The following SGCZ variants were observed in gnomAD, a reference collection of about 807,000 sequenced individuals.
SGCZ encodes sarcoglycan zeta.
A neutral mutation model predicts 41.3 loss-of-function variants in SGCZ; 40 were observed. The ratio of observed to expected loss-of-function variants is 0.97; its 90% CI spans 0.75 to 1.26. SGCZ has a LOEUF of 1.26. Among genes scored for constraint, SGCZ ranks in the 50% most tolerant of loss-of-function variants. The pLI, the probability that SGCZ is intolerant of heterozygous loss-of-function variation, is 0.00. For missense variants in SGCZ, 552 were observed against 369.8 expected, an observed-to-expected ratio of 1.49 and a Z score of -4.04; for synonymous variants, 206 against 137.5, an observed-to-expected ratio of 1.50 and a Z score of -3.49.
At chr8:15,137,529 G>T (rs1462107501) in intron 1 of SGCZ, among the ~76,000 whole-genome samples, 1 of 152,132 alleles carries the variant, frequency 6.6e-6, no homozygotes, top group East Asian at 1.9e-4. Context: ...CCTGGGCTGG[G>T]CCCAGGGCCT....
chr8:15,146,868 A>C (rs2117009297), intron 1 of SGCZ, among the ~76,000 whole-genome samples: 1 of 152,298 alleles, frequency 6.6e-6, no homozygotes. Flanking sequence ...TCATTAGGTT[A>C]ATAAAATTAT....
At chr8:14,586,100 G>T (rs1379575632) in intron 1 of SGCZ, among the ~76,000 whole-genome samples, 1 of 152,098 alleles carries the variant, frequency 6.6e-6, no homozygotes, top group African/African-American at 2.4e-5. Context: ...AACTATACAC[G>T]CAGCTGAGAA....
At chr8:14,413,636 T>C (rs1432848086) in intron 2 of SGCZ, among the ~76,000 whole-genome samples, 3 of 152,178 alleles carry the variant, frequency 2.0e-5, no homozygotes, top group Non-Finnish European at 4.4e-5. Context: ...GATTTCACTG[T>C]CTTGAAAATG....
chr8:14,190,921 T>G (rs56078739), intron 4 of SGCZ, among the ~76,000 whole-genome samples: 36,326 of 152,122 alleles, frequency 0.24, 5,564 homozygotes, highest in Non-Finnish European at 0.34. Flanking sequence ...AAGAATATCC[T>G]TACTTGTTCC....
At chr8:15,100,880 A>T (rs1806585385) in intron 1 of SGCZ, among the ~76,000 whole-genome samples, 1 of 152,020 alleles carries the variant, frequency 6.6e-6, no homozygotes, top group African/African-American at 2.4e-5. Context: ...TCCCAACTAC[A>T]CAGGAGGATT....
At chr8:14,209,727 G>A (rs1262934269) in intron 4 of SGCZ, among the ~76,000 whole-genome samples, 1 of 151,900 alleles carries the variant, frequency 6.6e-6, no homozygotes, top group African/African-American at 2.4e-5. Flanking sequence ...AGAAAAAACT[G>A]GATATGTATA....
At chr8:14,309,707 T>A in intron 3 of SGCZ, 1 of 1,608,980 alleles carries the variant, frequency 6.2e-7, no homozygotes, top group Admixed American at 1.7e-5. Context: ...CACAGGAGAC[T>A]GAGTTAAGCA....
chr8:14,387,190 T>C (rs963960304), intron 2 of SGCZ, among the ~76,000 whole-genome samples: 2 of 152,118 alleles, frequency 1.3e-5, no homozygotes, highest in Admixed American at 6.6e-5. Context: ...TAGGACTACA[T>C]GTGTGCACCA....
intron 1 of SGCZ, among the ~76,000 whole-genome samples, chr8:14,864,043 A>G (rs989211550): frequency 6.6e-6 from 1 of 152,166 alleles, no homozygotes; most frequent in Non-Finnish European, 1.5e-5. Context: ...GACCTCACCA[A>G]TTCCCACATC....
At chr8:14,342,723 A>C (rs1242241596) in intron 2 of SGCZ, among the ~76,000 whole-genome samples, 1 of 152,208 alleles carries the variant, frequency 6.6e-6, no homozygotes. Flanking sequence ...GAAATTATGC[A>C]GGCTGATTAT....
chr8:14,901,000 A>G (rs557727978), intron 1 of SGCZ, among the ~76,000 whole-genome samples: 2 of 152,296 alleles, frequency 1.3e-5, no homozygotes, highest in Admixed American at 6.5e-5. Context: ...TTGAGGTTTG[A>G]TAATCAAATT....
chr8:15,054,740 G>A (rs1563471713), intron 1 of SGCZ, among the ~76,000 whole-genome samples: 1 of 151,610 alleles, frequency 6.6e-6, no homozygotes, highest in South Asian at 2.1e-4. Context: ...AGACCACGAG[G>A]TCAGGAGATC....
chr8:14,610,066 A>T (rs1260759889), intron 1 of SGCZ, among the ~76,000 whole-genome samples: 5 of 152,192 alleles, frequency 3.3e-5, no homozygotes, highest in Admixed American at 6.5e-5. Context: ...GGTTTAAAAA[A>T]TTTAAGTCAA....
intron 4 of SGCZ, among the ~76,000 whole-genome samples, chr8:14,172,315 C>T (rs1396801754): frequency 6.6e-6 from 1 of 152,044 alleles, no homozygotes; most frequent in African/African-American, 2.4e-5. Context: ...ATTGTGGCAA[C>T]AAGAGAAAGG....
chr8:14,626,313 C>T (rs1227798099), intron 1 of SGCZ, among the ~76,000 whole-genome samples: 2 of 152,068 alleles, frequency 1.3e-5, no homozygotes, highest in Non-Finnish European at 2.9e-5. Flanking sequence ...CCTCCCCCAA[C>T]CCCCTCAACA....
intron 1 of SGCZ, among the ~76,000 whole-genome samples, chr8:14,626,008 C>T (rs1010818595): frequency 2.0e-5 from 3 of 152,106 alleles, no homozygotes; most frequent in South Asian, 2.1e-4. Flanking sequence ...AAGGGGCAGT[C>T]GCATACTGTC....
chr8:14,675,496 C>A (rs1014281266), intron 1 of SGCZ, among the ~76,000 whole-genome samples: 1 of 151,900 alleles, frequency 6.6e-6, no homozygotes, highest in Non-Finnish European at 1.5e-5. Flanking sequence ...ATTTATTGAC[C>A]ACTGTATACA....
At chr8:15,032,206 A>G (rs1585493002) in intron 1 of SGCZ, among the ~76,000 whole-genome samples, 1 of 152,146 alleles carries the variant, frequency 6.6e-6, no homozygotes, top group African/African-American at 2.4e-5. Context: ...ATCAACTTAT[A>G]TAACTATCCA....
chr8:14,778,427 G>C (rs189123009), intron 1 of SGCZ, among the ~76,000 whole-genome samples: 67 of 151,912 alleles, frequency 4.4e-4, no homozygotes, highest in African/African-American at 1.5e-3. Context: ...TTTTTTCCTG[G>C]GAAAACAGTC....
Sources: allele counts gnomAD v4.1 joint callset (sites outside exome capture counted in the v4.1 genomes callset), GRCh38; gene constraint gnomAD v4.1.1; transcripts MANE v1.5; gene names NCBI Gene and HGNC (gene_info 2026-07-23, HGNC 2026-07-21).